BICC1: variants seen among roughly 807,000 people sequenced by gnomAD.
BICC1 encodes BicC family RNA binding protein 1, also known as protein bicaudal C homolog 1.
BICC1 carries 43 observed loss-of-function variants against 111.0 expected under a neutral mutation model. The ratio of observed to expected loss-of-function variants is 0.39; its 90% CI spans 0.30 to 0.50. BICC1 has a LOEUF of 0.50. BICC1 is among the 20% of genes least tolerant of loss of function. The probability of loss-of-function intolerance (pLI) is 0.88; values close to 1 mark genes in which losing one functional copy is unlikely to be tolerated. For missense variants in BICC1, 1,091 were observed against 1,203.2 expected, an observed-to-expected ratio of 0.91 and a Z score of 1.38; for synonymous variants, 467 against 434.4, an observed-to-expected ratio of 1.07 and a Z score of -0.93.
At chr10:58,537,823 A>G (rs1383269186) in intron 1 of BICC1, among the ~76,000 whole-genome samples, 6 of 151,848 alleles carry the variant, frequency 4.0e-5, no homozygotes, top group Admixed American at 6.6e-5. Context: ...TAGCAATGCT[A>G]TATGCACTGA....
chr10:58,680,776 T>G (rs1044509110), intron 2 of BICC1, among the ~76,000 whole-genome samples: 4 of 152,162 alleles, frequency 2.6e-5, no homozygotes, highest in Non-Finnish European at 4.4e-5. Flanking sequence ...CAAACTATAC[T>G]ACAAGGCTAC....
chr10:58,766,608 A>T (rs969313778), intron 3 of BICC1, among the ~76,000 whole-genome samples: 1 of 152,176 alleles, frequency 6.6e-6, no homozygotes, highest in African/African-American at 2.4e-5. Flanking sequence ...CAATTTTGAC[A>T]ATCACTCATG....
At chr10:58,588,794 C>T (rs1844509858) in intron 1 of BICC1, among the ~76,000 whole-genome samples, 1 of 152,178 alleles carries the variant, frequency 6.6e-6, no homozygotes, top group Admixed American at 6.5e-5. Flanking sequence ...CCAGGCTAAG[C>T]ACACTGCGTG....
At chr10:58,548,376 AT>A (rs1305228943) in intron 1 of BICC1, among the ~76,000 whole-genome samples, 3 of 152,150 alleles carry the variant, frequency 2.0e-5, no homozygotes, top group African/African-American at 7.2e-5. Flanking sequence ...TACTCCACTT[AT>A]TTGTAAGGAT....
intron 3 of BICC1, among the ~76,000 whole-genome samples, chr10:58,725,292 C>T (rs773336632): frequency 1.3e-5 from 2 of 152,186 alleles, no homozygotes; most frequent in Non-Finnish European, 2.9e-5. Context: ...TTAGCCTGAT[C>T]GTTCCATCTG....
chr10:58,586,562 C>T (rs768740676), intron 1 of BICC1, among the ~76,000 whole-genome samples: 71 of 149,762 alleles, frequency 4.7e-4, no homozygotes, highest in Non-Finnish European at 6.4e-4. Flanking sequence ...TTGCAGTGAG[C>T]GGAGATTGTG....
At chr10:58,645,332 G>A (rs923555898) in intron 2 of BICC1, among the ~76,000 whole-genome samples, 12 of 138,960 alleles carry the variant, frequency 8.6e-5, no homozygotes, top group African/African-American at 2.4e-4. Context: ...TGGTGAACCC[G>A]GGAGGCGGAG....
intron 1 of BICC1, among the ~76,000 whole-genome samples, chr10:58,535,073 C>T (rs1179158694): frequency 6.6e-6 from 1 of 151,506 alleles, no homozygotes; most frequent in Admixed American, 6.6e-5. Flanking sequence ...GAAACAAAGT[C>T]TCCAAGAAAT....
chr10:58,769,782 G>T (rs898726310), intron 3 of BICC1, among the ~76,000 whole-genome samples: 11 of 151,818 alleles, frequency 7.2e-5, no homozygotes, highest in Admixed American at 6.6e-4. Context: ...TTTACTACCT[G>T]TACCTTATTT....
chr10:58,786,865 TAGG>T, intron 4 of BICC1, 55 bp from the exon 5 acceptor site: 1 of 1,327,830 alleles, frequency 7.5e-7, no homozygotes, highest in Non-Finnish European at 1.0e-6. Context: ...GAAAGACATT[TAGG>T]AGGTCATTCT....
intron 2 of BICC1, among the ~76,000 whole-genome samples, chr10:58,687,609 C>T (rs939301650): frequency 7.9e-5 from 12 of 152,280 alleles, no homozygotes; most frequent in East Asian, 5.8e-4. Flanking sequence ...CCTTGCAGTT[C>T]GAGCTCAGAC....
chr10:58,596,828 T>G (rs1019064696), intron 1 of BICC1, among the ~76,000 whole-genome samples: 1 of 152,108 alleles, frequency 6.6e-6, no homozygotes, highest in Non-Finnish European at 1.5e-5. Context: ...GTAAAATACC[T>G]AGGAATACAA....
At chr10:58,619,825 C>T (rs1044610825) in intron 1 of BICC1, among the ~76,000 whole-genome samples, 2 of 152,022 alleles carry the variant, frequency 1.3e-5, no homozygotes, top group Non-Finnish European at 2.9e-5. Context: ...AGTGATTGCT[C>T]TGCCACATTT....
chr10:58,668,469 T>A lies in BICC1; in HGVS notation c.238-33605T>A, dbSNP rs187992871. Among the ~76,000 whole-genome samples, 70 of 152,230 alleles carry A rather than the reference T, an allele frequency of 4.6e-4. 1 individual carries two copies. Among genetic ancestry groups the A allele is most frequent in the African/African-American group, 1.7e-3 (69 of 41,568 alleles). On this transcript the variant is annotated intron_variant, in intron 2 of 20. Coordinates refer to ENST00000373886, the MANE Select transcript of BICC1 (RefSeq NM_001080512.3). ...CTGACTGAAAAACATCTCAAAATTT[T>A]ACTTTTGCACAACAACCTGTATCCC...
chr10:58,532,494 C>G (rs948248975), intron 1 of BICC1, among the ~76,000 whole-genome samples: 1 of 151,670 alleles, frequency 6.6e-6, no homozygotes, highest in Non-Finnish European at 1.5e-5. Flanking sequence ...TGATACTTTA[C>G]AAAAAATTTA....
At position 58,707,047 on chromosome 10, in the gene BICC1, A is replaced by G. The variant is rs183588717; in HGVS notation, c.307+4904A>G. ...TTAGGAAACCCCAGGACTAGCAGGA[A>G]TGAGAGGCATTGACTGGGTTACTTG... On this transcript the variant is annotated intron_variant, in intron 3 of 20. Transcript: ENST00000373886. 3.1e-3 allele frequency among the ~76,000 whole-genome samples: 466 copies of G among 152,334 alleles called. 2 individuals are homozygous for G. Among genetic ancestry groups the G allele is most frequent in the Non-Finnish European group, 4.5e-3 (306 of 68,028 alleles).
intron 3 of BICC1, among the ~76,000 whole-genome samples, chr10:58,777,613 A>G (rs1643640111): frequency 6.6e-6 from 1 of 152,188 alleles, no homozygotes; most frequent in Non-Finnish European, 1.5e-5. Flanking sequence ...AATCATTGCC[A>G]AAGAGAGCTG....
chr10:58,706,467 G>A (rs1268872253), intron 3 of BICC1, among the ~76,000 whole-genome samples: 2 of 152,230 alleles, frequency 1.3e-5, no homozygotes, highest in Middle Eastern at 3.4e-3. Context: ...GTCTTCTTTT[G>A]CTCTTAATCT....
At chr10:58,819,811 C>T (rs1231355497) in intron 19 of BICC1, among the ~76,000 whole-genome samples, 1 of 152,096 alleles carries the variant, frequency 6.6e-6, no homozygotes, top group East Asian at 1.9e-4. Flanking sequence ...GGCAGTTTCC[C>T]TTCATGCTTT....
Sources: gnomAD v4.1 joint callset for allele counts (sites outside exome capture counted in the v4.1 genomes callset) on GRCh38, gnomAD v4.1.1 for gene constraint, MANE v1.5 for transcripts, NCBI Gene and HGNC (gene_info 2026-07-23, HGNC 2026-07-21) for gene names.